Variants in PTPRN2 observed in about 807,000 individuals in gnomAD.
PTPRN2 encodes receptor-type tyrosine-protein phosphatase N2.
A neutral mutation model predicts 118.8 loss-of-function variants in PTPRN2; 74 were observed. That is an observed-to-expected ratio of 0.62 (90% CI 0.52 to 0.76). The LOEUF (loss-of-function observed/expected upper bound fraction) is 0.76, where lower values mean the gene tolerates loss of function less well. Among genes scored for constraint, PTPRN2 ranks in the 30% least tolerant of loss-of-function variants. The pLI is 0.00. For synonymous variants in PTPRN2, 641 were observed against 608.0 expected (o/e 1.05, Z -0.80); for missense variants, 1,481 against 1,394.4 (o/e 1.06, Z -0.99).
chr7:157,898,835 A>G (rs1187120967), intron 11 of PTPRN2, 98 bp from the exon 12 acceptor site: 5 of 1,058,264 alleles, frequency 4.7e-6, no homozygotes, highest in Non-Finnish European at 7.4e-6. Context: ...TTTCAATTAC[A>G]TGACTGCTTG....
chr7:157,812,219 G>A (rs1439784117), intron 12 of PTPRN2, among the ~76,000 whole-genome samples: 1 of 152,198 alleles, frequency 6.6e-6, no homozygotes, highest in Non-Finnish European at 1.5e-5. Context: ...CCGCTCATTA[G>A]ATCCGAGGGG....
intron 2 of PTPRN2, among the ~76,000 whole-genome samples, chr7:158,391,827 A>G (rs1355865351): frequency 6.6e-6 from 1 of 152,202 alleles, no homozygotes; most frequent in Non-Finnish European, 1.5e-5. Flanking sequence ...CCCCAGCCAG[A>G]CAAGGCCACA....
chr7:158,009,897 C>T (rs1465732), intron 11 of PTPRN2, among the ~76,000 whole-genome samples: 127,333 of 152,146 alleles, frequency 0.84, 53,438 homozygotes, highest in East Asian at 0.88. Flanking sequence ...CACTGATCTA[C>T]GCCACGCCAT....
chr7:158,345,451 C>G (rs984268790), intron 2 of PTPRN2, among the ~76,000 whole-genome samples: 1 of 152,094 alleles, frequency 6.6e-6, no homozygotes, highest in East Asian at 1.9e-4. Context: ...TATTTTTGAG[C>G]AGGGTGGAGC....
chr7:158,026,804 C>A (rs771840983), intron 11 of PTPRN2, among the ~76,000 whole-genome samples: 1 of 152,174 alleles, frequency 6.6e-6, no homozygotes, highest in African/African-American at 2.4e-5. Context: ...CGTGACAGGT[C>A]AGGTGCAAGG....
chr7:157,991,813 G>A (rs1344030719), intron 11 of PTPRN2, among the ~76,000 whole-genome samples: 3 of 151,044 alleles, frequency 2.0e-5, no homozygotes, highest in Admixed American at 6.6e-5. Context: ...CAGAAGTGAT[G>A]CACCCAAGGC....
At chr7:157,954,777 G>A (rs1334936872) in intron 11 of PTPRN2, among the ~76,000 whole-genome samples, 1 of 152,188 alleles carries the variant, frequency 6.6e-6, no homozygotes, top group African/African-American at 2.4e-5. Flanking sequence ...TGAGTGTCCT[G>A]GGAGGGAAAG....
At chr7:158,302,740 T>A (rs1188998460) in intron 3 of PTPRN2, among the ~76,000 whole-genome samples, 1 of 152,236 alleles carries the variant, frequency 6.6e-6, no homozygotes, top group African/African-American at 2.4e-5. Flanking sequence ...CAATCAATGC[T>A]CAGAGCACAG....
chr7:157,658,152 G>T (rs1215125983), intron 13 of PTPRN2, among the ~76,000 whole-genome samples: 1 of 151,934 alleles, frequency 6.6e-6, no homozygotes, highest in Non-Finnish European at 1.5e-5. Context: ...TCGTTGGGTG[G>T]CTTCTCATTC....
chr7:158,498,065 G>T (rs1822085567), intron 1 of PTPRN2, among the ~76,000 whole-genome samples: 1 of 152,260 alleles, frequency 6.6e-6, no homozygotes, highest in African/African-American at 2.4e-5. Flanking sequence ...TGATGTGTGT[G>T]CTCAGCAGAG....
At chr7:157,819,475 C>T (rs1014150791) in intron 12 of PTPRN2, among the ~76,000 whole-genome samples, 10 of 152,134 alleles carry the variant, frequency 6.6e-5, no homozygotes. Flanking sequence ...GCTCACAGCG[C>T]CTGAGCACAC....
intron 11 of PTPRN2, among the ~76,000 whole-genome samples, chr7:158,045,997 G>A (rs1036391137): frequency 2.7e-5 from 4 of 147,990 alleles, no homozygotes; most frequent in South Asian, 2.2e-4. Flanking sequence ...CAGAACCTGC[G>A]ATCCTGGAGT....
intron 12 of PTPRN2, among the ~76,000 whole-genome samples, chr7:157,802,747 T>C (rs1350387108): frequency 6.6e-6 from 1 of 152,236 alleles, no homozygotes; most frequent in Non-Finnish European, 1.5e-5. Flanking sequence ...GTCTTTTTGG[T>C]CACAGCCTCC....
chr7:157,815,018 G>A lies in PTPRN2; in HGVS notation c.1788+83655C>T, dbSNP rs752061605. ...TGACTTTGAGGCTGACCTTCCACAC[G>A]GGGCCCTGCGTTTCTCTCCTCTGCA... On this transcript the variant is annotated intron_variant, in intron 12 of 22. Coordinates refer to ENST00000389418, the MANE Select transcript of PTPRN2 (RefSeq NM_002847.5). Among the ~76,000 whole-genome samples, 17 of 152,316 alleles carry A rather than the reference G, an allele frequency of 1.1e-4. 1 individual carries two copies. The South Asian group carries it at 1.5e-3, about 13-fold the overall frequency.
intron 12 of PTPRN2, among the ~76,000 whole-genome samples, chr7:157,818,977 G>C (rs1806616630): frequency 6.6e-6 from 1 of 151,906 alleles, no homozygotes; most frequent in South Asian, 2.1e-4. Flanking sequence ...GACAGGCCAG[G>C]CCCAGGCACC....
At chr7:157,556,946 C>T (rs1324437912) in intron 21 of PTPRN2, among the ~76,000 whole-genome samples, 1 of 151,680 alleles carries the variant, frequency 6.6e-6, no homozygotes, top group African/African-American at 2.4e-5. Context: ...GACATGCACA[C>T]CCTACGCTCA....
chr7:158,085,387 TCCACACCCAC>T (rs1230441743), intron 10 of PTPRN2, among the ~76,000 whole-genome samples: 1 of 12,786 alleles, frequency 7.8e-5, no homozygotes, highest in Non-Finnish European at 2.9e-4. Context: ...CACATGCCCA[TCCACACCCAC>T]GACGCCCATC....
At chr7:157,718,201 T>C (rs1799025523) in intron 12 of PTPRN2, among the ~76,000 whole-genome samples, 1 of 152,256 alleles carries the variant, frequency 6.6e-6, no homozygotes, top group Non-Finnish European at 1.5e-5. Flanking sequence ...TCAGAACAAT[T>C]TGAATGAACG....
At chr7:157,586,448 TG>T (rs1353102977) in intron 17 of PTPRN2, among the ~76,000 whole-genome samples, 3 of 152,158 alleles carry the variant, frequency 2.0e-5, no homozygotes, top group African/African-American at 7.2e-5. Context: ...CTGCAGGGAC[TG>T]GGGGACATTC....
Sources: gnomAD v4.1 joint callset for allele counts (sites outside exome capture counted in the v4.1 genomes callset) on GRCh38, gnomAD v4.1.1 for gene constraint, MANE v1.5 for transcripts, NCBI Gene and HGNC (gene_info 2026-07-23, HGNC 2026-07-21) for gene names.